RIMS2: variants seen among roughly 807,000 people sequenced by gnomAD.
RIMS2 encodes the protein regulating synaptic membrane exocytosis 2.
A neutral mutation model predicts 174.4 loss-of-function variants in RIMS2; 59 were observed. The ratio of observed to expected loss-of-function variants is 0.34; its 90% confidence interval spans 0.27 to 0.42. RIMS2 has a LOEUF of 0.42. RIMS2 is among the 10% of genes least tolerant of loss of function. RIMS2 has a pLI of 1.00. For synonymous variants in RIMS2, 606 were observed against 572.5 expected (o/e 1.06, Z -0.84); for missense variants, 1,620 against 1,666.3 (o/e 0.97, Z 0.48).
intron 2 of RIMS2, among the ~76,000 whole-genome samples, chr8:103,708,094 A>C (rs990602928): frequency 6.6e-6 from 1 of 152,234 alleles, no homozygotes; most frequent in African/African-American, 2.4e-5. Flanking sequence ...AGAAGGTTTC[A>C]TGCTGGGTTG....
chr8:103,529,647 C>T (rs148212126), intron 1 of RIMS2, among the ~76,000 whole-genome samples: 1,804 of 152,290 alleles, frequency 0.012, 43 homozygotes, highest in African/African-American at 0.041. Context: ...CACCCACTGT[C>T]CGACAAGCCC....
intron 19 of RIMS2, among the ~76,000 whole-genome samples, chr8:104,113,073 AT>A (rs1308061349): frequency 5.9e-5 from 9 of 152,120 alleles, no homozygotes; most frequent in African/African-American, 2.2e-4. Context: ...CTCTTTCATA[AT>A]TAGATTATAA....
chr8:103,959,956 G>A (rs2089322069), intron 14 of RIMS2, among the ~76,000 whole-genome samples: 1 of 152,050 alleles, frequency 6.6e-6, no homozygotes, highest in South Asian at 2.1e-4. Context: ...AGAGAAGCAA[G>A]AGCAAACACA....
intron 10 of RIMS2, among the ~76,000 whole-genome samples, chr8:103,926,683 A>G (rs1223993978): frequency 1.3e-5 from 2 of 151,570 alleles, no homozygotes; most frequent in African/African-American, 4.8e-5. Flanking sequence ...TGAAGTAGGC[A>G]AGAGAGACAT....
At chr8:103,694,165 C>G (rs1392680893) in intron 1 of RIMS2, among the ~76,000 whole-genome samples, 1 of 152,000 alleles carries the variant, frequency 6.6e-6, no homozygotes, top group Non-Finnish European at 1.5e-5. Context: ...GCCTCAGGGA[C>G]CAGCATGGCA....
intron 1 of RIMS2, among the ~76,000 whole-genome samples, chr8:103,656,257 G>C (rs1227004484): frequency 6.6e-6 from 1 of 152,092 alleles, no homozygotes; most frequent in Non-Finnish European, 1.5e-5. Flanking sequence ...TAACAGGTTG[G>C]AGGTATAAAC....
At chr8:103,598,386 G>C (rs1185570301) in intron 1 of RIMS2, among the ~76,000 whole-genome samples, 2 of 152,184 alleles carry the variant, frequency 1.3e-5, no homozygotes, top group African/African-American at 4.8e-5. Flanking sequence ...GAGAGACTAA[G>C]ATGAATGCAT....
intron 19 of RIMS2, among the ~76,000 whole-genome samples, chr8:104,115,909 T>C (rs1201080543): frequency 3.3e-5 from 5 of 152,182 alleles, no homozygotes; most frequent in African/African-American, 1.2e-4. Context: ...TGTAAACAAC[T>C]CTTTTGGCCA....
intron 19 of RIMS2, among the ~76,000 whole-genome samples, chr8:104,244,147 A>T (rs950893099): frequency 2.0e-5 from 3 of 152,134 alleles, no homozygotes; most frequent in African/African-American, 7.2e-5. Context: ...TCACATCTGT[A>T]GTATTTGACT....
intron 23 of RIMS2, 98 bp downstream of exon 29, chr8:104,251,261 T>C: frequency 1.9e-6 from 2 of 1,068,702 alleles, no homozygotes; most frequent in Non-Finnish European, 2.7e-6. Context: ...TTTATGTTCC[T>C]CACAAAGGAA....
chr8:104,221,497 C>A (rs896381635), intron 19 of RIMS2, among the ~76,000 whole-genome samples: 9 of 151,988 alleles, frequency 5.9e-5, no homozygotes, highest in Admixed American at 6.6e-5. Context: ...ATTTTCTAGT[C>A]TCTGAATAAA....
chr8:103,589,368 C>T (rs191426564), intron 1 of RIMS2, among the ~76,000 whole-genome samples: 1 of 151,664 alleles, frequency 6.6e-6, no homozygotes, highest in Non-Finnish European at 1.5e-5. Flanking sequence ...CAAATGAAAA[C>T]TATAGTGAGA....
At chr8:103,903,933 C>T (rs1336462803) in intron 4 of RIMS2, among the ~76,000 whole-genome samples, 1 of 152,106 alleles carries the variant, frequency 6.6e-6, no homozygotes, top group Non-Finnish European at 1.5e-5. Flanking sequence ...GTGGTTATAT[C>T]TTGCTTAGCT....
chr8:103,652,162 T>G (rs762291951), intron 1 of RIMS2, 43 bp from the exon 2 acceptor site: 1 of 1,177,048 alleles, frequency 8.5e-7, no homozygotes. Context: ...TAGAAATCTC[T>G]TCATAGTACA....
chr8:103,514,017 G>A (rs1297112027), intron 1 of RIMS2, among the ~76,000 whole-genome samples: 1 of 127,526 alleles, frequency 7.8e-6, no homozygotes, highest in Non-Finnish European at 1.6e-5. Flanking sequence ...CCTATTGCCA[G>A]CTACATGCAG....
rs111312680 is a variant in RIMS2 at position 104,203,437 on chromosome 8, C to T, written c.3335-41479C>T. ...AGAGCAACTTAGGATCATTTAAAACCAATTGAATTTTTAATACAAGTTTTA... is the reference window on the plus strand; with the variant it reads ...AGAGCAACTTAGGATCATTTAAAACTAATTGAATTTTTAATACAAGTTTTA... On this transcript the variant is annotated intron_variant, in intron 19 of 23. Coordinates refer to ENST00000504942, the Ensembl canonical transcript of RIMS2. Among the ~76,000 whole-genome samples the T allele has an allele frequency of 4.3e-3, 638 of 149,104 alleles. 3 individuals are homozygous for T. The highest frequency in any genetic ancestry group is 0.015 in the African/African-American group (595 of 40,516).
chr8:104,223,533 G>C, intron 19 of RIMS2: 1 of 1,421,752 alleles, frequency 7.0e-7, no homozygotes, highest in Non-Finnish European at 9.2e-7. Context: ...GAGCCTCAGG[G>C]TCCCGTGGCA....
chr8:103,751,597 C>A (rs2097892406), intron 2 of RIMS2, among the ~76,000 whole-genome samples: 1 of 151,446 alleles, frequency 6.6e-6, no homozygotes, highest in Non-Finnish European at 1.5e-5. Flanking sequence ...TCCACATCCT[C>A]TCCAGCACCT....
At chr8:103,657,511 A>G (rs776602907) in intron 1 of RIMS2, among the ~76,000 whole-genome samples, 4 of 152,184 alleles carry the variant, frequency 2.6e-5, no homozygotes, top group African/African-American at 4.8e-5. Context: ...AAATTTTAGG[A>G]TGCCAAAAGA....
Sources: gnomAD v4.1 joint callset for allele counts (sites outside exome capture counted in the v4.1 genomes callset) on GRCh38, gnomAD v4.1.1 for gene constraint, MANE v1.5 for transcripts, NCBI Gene and HGNC (gene_info 2026-07-23, HGNC 2026-07-21) for gene names.